The following NLGN1 variants were observed in gnomAD, a reference collection of about 807,000 sequenced individuals.
NLGN1 encodes neuroligin 1.
NLGN1 carries 12 observed loss-of-function variants against 65.5 expected under a neutral mutation model. The ratio of observed to expected loss-of-function variants is 0.18; its 90% CI spans 0.12 to 0.30. The LOEUF (loss-of-function observed/expected upper bound fraction) is 0.30. Ranked by LOEUF, NLGN1 falls within the 10% of genes least tolerant of loss-of-function variation. The probability of loss-of-function intolerance (pLI) is 1.00; values close to 1 mark genes in which losing one functional copy is unlikely to be tolerated. For synonymous variants in NLGN1, 350 were observed against 359.5 expected, an observed-to-expected ratio of 0.97 and a Z score of 0.30; for missense variants, 750 against 1,007.1, an observed-to-expected ratio of 0.74 and a Z score of 3.46.
rs560939853 is a variant in NLGN1 at position 174,036,662 on chromosome 3, G to A, written c.646+228830G>A. Among the ~76,000 whole-genome samples, 4 of 145,934 alleles carry A rather than the reference G, an allele frequency of 2.7e-5. No individual in the cohort carries two copies. In the East Asian group the frequency reaches 8.4e-4, roughly 31 times the overall value. On this transcript the variant is annotated intron_variant, in intron 4 of 6. Transcript: ENST00000457714. The stretch of plus-strand genomic sequence containing the variant: ...GCAGGTTTGTTACACAGGTAAACTT[G>A]TGTCGTGGGAGTTCATTGTACAGGT...
At chr3:173,856,727 T>C (rs1488553) in intron 4 of NLGN1, among the ~76,000 whole-genome samples, 126,920 of 151,942 alleles carry the variant, frequency 0.84, 53,569 homozygotes, top group Non-Finnish European at 0.89. Context: ...AGGAGATTTC[T>C]AAAGAAAATG....
chr3:173,768,213 G>A (rs557643761), intron 3 of NLGN1, among the ~76,000 whole-genome samples: 170 of 152,254 alleles, frequency 1.1e-3, no homozygotes, highest in South Asian at 3.9e-3. Flanking sequence ...TACTGTTAAT[G>A]TTGAAAGAAA....
At chr3:174,096,062 T>C (rs1228799048) in intron 4 of NLGN1, among the ~76,000 whole-genome samples, 2 of 151,732 alleles carry the variant, frequency 1.3e-5, no homozygotes, top group Admixed American at 6.6e-5. Context: ...ATCATGAGCC[T>C]TATATACAAA....
intron 3 of NLGN1, among the ~76,000 whole-genome samples, chr3:173,765,726 A>T (rs958032700): frequency 3.3e-5 from 5 of 152,190 alleles, no homozygotes; most frequent in South Asian, 2.1e-4. Flanking sequence ...TCAAGCTTAT[A>T]TTATACGGTA....
At chr3:173,783,896 T>A (rs1341696264) in intron 3 of NLGN1, among the ~76,000 whole-genome samples, 1 of 152,236 alleles carries the variant, frequency 6.6e-6, no homozygotes, top group Non-Finnish European at 1.5e-5. Context: ...ATTACAGGCA[T>A]GTTACAATGT....
chr3:173,559,491 T>G (rs987176357), intron 2 of NLGN1, among the ~76,000 whole-genome samples: 1 of 152,196 alleles, frequency 6.6e-6, no homozygotes, highest in African/African-American at 2.4e-5. Context: ...GGACTTTGAT[T>G]CATTAAGGCT....
At chr3:173,537,586 G>A (rs1217993269) in intron 2 of NLGN1, among the ~76,000 whole-genome samples, 1 of 151,962 alleles carries the variant, frequency 6.6e-6, no homozygotes, top group African/African-American at 2.4e-5. Context: ...TCTGTAACTG[G>A]TTATATAGTT....
At chr3:173,887,467 A>T (rs1734566109) in intron 4 of NLGN1, among the ~76,000 whole-genome samples, 1 of 152,008 alleles carries the variant, frequency 6.6e-6, no homozygotes, top group African/African-American at 2.4e-5. Context: ...ACATCAAAAA[A>T]ATTTAAATTT....
At chr3:173,997,732 C>G (rs1722547007) in intron 4 of NLGN1, among the ~76,000 whole-genome samples, 1 of 152,068 alleles carries the variant, frequency 6.6e-6, no homozygotes, top group South Asian at 2.1e-4. Context: ...CTATAATTCT[C>G]ACAGCAAAAC....
intron 4 of NLGN1, among the ~76,000 whole-genome samples, chr3:173,947,143 C>T (rs1284549972): frequency 1.4e-5 from 2 of 147,710 alleles, no homozygotes; most frequent in Non-Finnish European, 3.0e-5. Context: ...CTCACCGCAA[C>T]CTCTGCCTCC....
At chr3:174,079,988 C>A (rs1234166393) in intron 4 of NLGN1, among the ~76,000 whole-genome samples, 1 of 151,976 alleles carries the variant, frequency 6.6e-6, no homozygotes, top group Admixed American at 6.6e-5. Flanking sequence ...ACCCCCATGA[C>A]ACAAGTTTAT....
intron 3 of NLGN1, among the ~76,000 whole-genome samples, chr3:173,620,156 A>C (rs1052273503): frequency 7.9e-5 from 12 of 152,184 alleles, no homozygotes; most frequent in Non-Finnish European, 1.5e-4. Flanking sequence ...AAATGATGGA[A>C]TCCAAGGATG....
At chr3:174,107,067 G>A (rs1009607665) in intron 4 of NLGN1, among the ~76,000 whole-genome samples, 4 of 142,216 alleles carry the variant, frequency 2.8e-5, no homozygotes, top group Admixed American at 7.3e-5. Context: ...ACTCTTTACC[G>A]TCTATCTGTG....
At chr3:174,087,536 T>TA (rs1165023085) in intron 4 of NLGN1, among the ~76,000 whole-genome samples, 3 of 152,128 alleles carry the variant, frequency 2.0e-5, no homozygotes, top group Non-Finnish European at 4.4e-5. Context: ...AAGTATTAAG[T>TA]AACTACCAAA....
chr3:173,478,025 C>T (rs1457808663), intron 2 of NLGN1, among the ~76,000 whole-genome samples: 5 of 152,214 alleles, frequency 3.3e-5, no homozygotes, highest in African/African-American at 1.2e-4. Flanking sequence ...ACCAGAAATA[C>T]CATTTGACCA....
chr3:174,172,728 T>C (rs960255381), intron 4 of NLGN1, among the ~76,000 whole-genome samples: 2 of 152,160 alleles, frequency 1.3e-5, no homozygotes, highest in African/African-American at 4.8e-5. Context: ...AGCTCTGCAG[T>C]ATAATATAAA....
chr3:173,561,192 G>A (rs889406766), intron 2 of NLGN1, among the ~76,000 whole-genome samples: 1 of 152,164 alleles, frequency 6.6e-6, no homozygotes, highest in Non-Finnish European at 1.5e-5. Flanking sequence ...CAGACTTTCA[G>A]TTTAGGAATG....
chr3:174,268,854 G>T (rs1748786917), intron 4 of NLGN1, among the ~76,000 whole-genome samples: 1 of 151,892 alleles, frequency 6.6e-6, no homozygotes, highest in South Asian at 2.1e-4. Flanking sequence ...TCATTAAAGA[G>T]CAAATTGTCT....
intron 4 of NLGN1, among the ~76,000 whole-genome samples, chr3:173,913,389 A>G (rs1227785897): frequency 6.6e-6 from 1 of 152,130 alleles, no homozygotes; most frequent in Admixed American, 6.6e-5. Context: ...TTTCCATAGG[A>G]TTAGAAGTTC....
Sources: gnomAD v4.1 joint callset for allele counts (sites outside exome capture counted in the v4.1 genomes callset) on GRCh38, gnomAD v4.1.1 for gene constraint, MANE v1.5 for transcripts, NCBI Gene and HGNC (gene_info 2026-07-23, HGNC 2026-07-21) for gene names.